Variants in PRKCQ observed in about 807,000 individuals in gnomAD.
PRKCQ encodes the protein protein kinase C theta.
PRKCQ carries 41 observed loss-of-function variants against 91.2 expected under a neutral mutation model. The ratio of observed to expected loss-of-function variants is 0.45; its 90% CI spans 0.35 to 0.58. The LOEUF (loss-of-function observed/expected upper bound fraction) is 0.58, where lower values mean the gene tolerates loss of function less well. Among genes scored for constraint, PRKCQ ranks in the 20% least tolerant of loss-of-function variants. The pLI, the probability that PRKCQ is intolerant of heterozygous loss-of-function variation, is 0.00. For missense variants in PRKCQ, 673 were observed against 896.5 expected, an observed-to-expected ratio of 0.75 and a Z score of 3.18; for synonymous variants, 307 against 316.9, an observed-to-expected ratio of 0.97 and a Z score of 0.33.
intron 1 of PRKCQ, among the ~76,000 whole-genome samples, chr10:6,545,052 C>A (rs1288982072): frequency 4.0e-5 from 6 of 151,026 alleles, no homozygotes; most frequent in African/African-American, 1.5e-4. Flanking sequence ...TTTATTTTTA[C>A]GATACTGGGA....
chr10:6,546,918 T>C (rs1248054439), intron 1 of PRKCQ, among the ~76,000 whole-genome samples: 1 of 152,212 alleles, frequency 6.6e-6, no homozygotes, highest in Admixed American at 6.5e-5. Flanking sequence ...CAATACCTAA[T>C]TTATTGAGAG....
At chr10:6,402,177 A>T in the PRKCQ span, among the ~76,000 whole-genome samples, 9 of 152,094 alleles carry the variant, frequency 5.9e-5, no homozygotes, top group East Asian at 9.7e-4. Flanking sequence ...GGAGGGGAAC[A>T]TCACACACCG....
chr10:6,548,564 T>A (rs1475171594), intron 1 of PRKCQ, among the ~76,000 whole-genome samples: 49 of 147,784 alleles, frequency 3.3e-4, no homozygotes, highest in Non-Finnish European at 6.1e-4. Flanking sequence ...TAAAAAATGA[T>A]GAGTTCATGT....
intron 1 of PRKCQ, among the ~76,000 whole-genome samples, chr10:6,525,983 T>C (rs1016488622): frequency 3.3e-5 from 5 of 152,220 alleles, no homozygotes; most frequent in Admixed American, 6.5e-5. Context: ...GCTGGTATTA[T>C]TTTGGGAACT....
At chr10:6,556,913 C>T (rs1840443436) in intron 1 of PRKCQ, among the ~76,000 whole-genome samples, 1 of 152,168 alleles carries the variant, frequency 6.6e-6, no homozygotes, top group Non-Finnish European at 1.5e-5. Flanking sequence ...ACATAAATGG[C>T]TCAACTTCCT....
intron 16 of PRKCQ, among the ~76,000 whole-genome samples, chr10:6,432,690 G>T (rs1213402209): frequency 6.6e-6 from 1 of 152,154 alleles, no homozygotes; most frequent in Non-Finnish European, 1.5e-5. Flanking sequence ...GATCTCTAGG[G>T]CTTGGAGAGT....
intron 1 of PRKCQ, among the ~76,000 whole-genome samples, chr10:6,552,447 C>T (rs1840222990): frequency 1.3e-5 from 2 of 149,786 alleles, no homozygotes; most frequent in African/African-American, 5.0e-5. Context: ...CAGCAGGGCT[C>T]AAACCTGTTA....
At position 6,430,929 on chromosome 10, in the gene PRKCQ, G is replaced by T. The variant is rs11258747; in HGVS notation, c.1846C>A (p.Arg616=). Residue 616 remains arginine (R), a synonymous_variant, in exon 17 of 18, where the codon CGA becomes AGA. Coordinates refer to ENST00000263125, the MANE Select transcript of PRKCQ (RefSeq NM_006257.5). The surrounding 1 kb of genome is among the most constrained non-coding windows in gnomAD (Gnocchi z 4.7). ...ACGCCCAGCCTCTTCTCAGGTTCTC[G>T]CACGAAGAGCTGAAAGGGAGCAGAG... ...AKDLLVKLFV[R]EPEKRLGVRG... The T allele has an allele frequency of 0.2, 329,788 of 1,613,574 alleles. 36,221 individuals are homozygous for T. Among genetic ancestry groups the T allele is most frequent in the Non-Finnish European group, 0.22 (265,028 of 1,179,708 alleles).
At chr10:6,488,123 A>G (rs2130792460) in intron 8 of PRKCQ, among the ~76,000 whole-genome samples, 1 of 152,294 alleles carries the variant, frequency 6.6e-6, no homozygotes, top group Middle Eastern at 3.4e-3. Context: ...AGCAGGCACC[A>G]GGTGCTATGA....
rs190204399 is a variant in PRKCQ at position 6,509,744 on chromosome 10, T to C, written c.318+1251A>G. Among the ~76,000 whole-genome samples the C allele has an allele frequency of 6.0e-3, 917 of 152,284 alleles. 12 individuals carry two copies. Among genetic ancestry groups the C allele is most frequent in the African/African-American group, 0.021 (863 of 41,540 alleles). The stretch of plus-strand genomic sequence containing the variant: ...TTTTCCCAAGCCAACACACAAGTGC[T>C]GAGTAGATACTGCCCAACTAAATTA... On this transcript the variant is annotated intron_variant, in intron 3 of 17. Transcript: ENST00000263125.
intron 15 of PRKCQ, among the ~76,000 whole-genome samples, chr10:6,445,121 C>CAAAAAAA (rs61291267): frequency 1.8e-4 from 19 of 105,406 alleles, no homozygotes; most frequent in African/African-American, 3.5e-4. Context: ...AAGACTCTGT[C>CAAAAAAA]AAAAAAAAAA....
At chr10:6,455,473 G>A (rs913575994) in intron 15 of PRKCQ, among the ~76,000 whole-genome samples, 1 of 152,176 alleles carries the variant, frequency 6.6e-6, no homozygotes, top group Non-Finnish European at 1.5e-5. Context: ...GACTCAGATG[G>A]CCACAACTCC....
chr10:6,565,271 T>A (rs537863011), intron 1 of PRKCQ, among the ~76,000 whole-genome samples: 28 of 152,334 alleles, frequency 1.8e-4, no homozygotes, highest in Admixed American at 2.6e-4. Flanking sequence ...ATTTTTTCCA[T>A]GAGAAAATAT....
chr10:6,400,440 A>C, the PRKCQ span, among the ~76,000 whole-genome samples: 4 of 152,224 alleles, frequency 2.6e-5, no homozygotes, highest in Admixed American at 6.5e-5. Flanking sequence ...GTTGTTATGC[A>C]GGTGAGATGA....
intron 1 of PRKCQ, among the ~76,000 whole-genome samples, chr10:6,564,227 C>G (rs1247246558): frequency 1.3e-5 from 2 of 152,132 alleles, no homozygotes; most frequent in Non-Finnish European, 1.5e-5. Flanking sequence ...TTCGTTTCAG[C>G]AAGATCCTCT....
chr10:6,456,907 C>T (rs1835036611), intron 14 of PRKCQ, 95 bp from the exon 15 acceptor site: 2 of 1,340,162 alleles, frequency 1.5e-6, no homozygotes, highest in South Asian at 1.3e-5. Context: ...CTCATTGCAG[C>T]CTGAGAGGGG....
intron 11 of PRKCQ, among the ~76,000 whole-genome samples, chr10:6,482,721 C>T (rs529017904): frequency 7.2e-5 from 11 of 152,258 alleles, no homozygotes; most frequent in South Asian, 2.1e-4. Context: ...TTAATGGACT[C>T]GGTTCCACAC....
At chr10:6,402,774 G>A in the PRKCQ span, among the ~76,000 whole-genome samples, 16 of 152,172 alleles carry the variant, frequency 1.1e-4, no homozygotes, top group Non-Finnish European at 2.2e-4. Context: ...GCCAAGTGTG[G>A]TCGTGGGCAC....
At chr10:6,568,259 TCCC>T (rs1360292226) in intron 1 of PRKCQ, among the ~76,000 whole-genome samples, 1 of 151,030 alleles carries the variant, frequency 6.6e-6, no homozygotes, top group African/African-American at 2.4e-5. Flanking sequence ...AAAACAAAAA[TCCC>T]CCCAAAACTA....
Sources: allele counts gnomAD v4.1 joint callset (sites outside exome capture counted in the v4.1 genomes callset), GRCh38; gene constraint gnomAD v4.1.1; non-coding constraint Gnocchi (gnomAD v3.1); transcripts MANE v1.5; gene names NCBI Gene and HGNC (gene_info 2026-07-23, HGNC 2026-07-21).